The following EXTL2 variants were observed in gnomAD, a reference collection of about 807,000 sequenced individuals.
EXTL2 encodes exostosin-like 2.
In EXTL2, 23 loss-of-function variants were observed where a neutral mutation model predicts 30.7. The observed-to-expected ratio is 0.75, with a 90% confidence interval of 0.54 to 1.06. The LOEUF (loss-of-function observed/expected upper bound fraction) is 1.06. EXTL2 is among the 50% of genes least tolerant of loss of function. The pLI is 0.00. For missense variants in EXTL2, 352 were observed against 396.3 expected (o/e 0.89, Z 0.95); for synonymous variants, 123 against 133.8 (o/e 0.92, Z 0.56).
In EXTL2 at chr1:100,877,556, G is replaced by C; in HGVS notation, c.353C>G (p.Pro118Arg). 6 of 1,613,394 alleles carry C rather than the reference G, an allele frequency of 3.7e-6. No homozygotes were observed. Among genetic ancestry groups the C allele is most frequent in the Non-Finnish European group, 4.2e-6 (5 of 1,179,572 alleles). The change falls in exon 3 of 5, where the codon CCT (proline) becomes CGT (arginine). Residue 118 changes from proline to arginine, a missense_variant. Coordinates refer to ENST00000370114, the MANE Select transcript of EXTL2 (RefSeq NM_001033025.3). The surrounding 1 kb of genome is among the most constrained non-coding windows in gnomAD (Gnocchi z 4.1). ...DELWNSLGPH[P>R]IPVIFKQQTA... ...CTGTTGTTTGAAGATCACAGGGATA[G>C]GGTGGGGCCCTAGAGAATTCCATAA...
rs1413778599 is a variant in EXTL2, at chr1:100,876,945, G to A, written c.434-81C>T. 3 of 813,702 alleles carry A rather than the reference G, an allele frequency of 3.7e-6. No homozygotes were observed. The East Asian group carries it at 7.7e-5, about 21-fold the overall frequency. The allele number at this position is 813,702 out of a possible 1,614,324, so 50.4% of individuals were successfully genotyped here. On this transcript the variant is annotated intron_variant, in intron 3 of 4. Coordinates refer to ENST00000370114, the MANE Select transcript of EXTL2 (RefSeq NM_001033025.3). ...AGTAAAATACAATAGTGTCTATATA[G>A]ATCATTCAAATGAAGTATTTTCTGA...
At chr1:100,884,379 G>C (rs1055522494) in intron 2 of EXTL2, among the ~76,000 whole-genome samples, 1 of 152,176 alleles carries the variant, frequency 6.6e-6, no homozygotes, top group African/African-American at 2.4e-5. Context: ...CAGCTGCCAA[G>C]AGATAAAATC....
chr1:100,877,859 C>G lies in EXTL2; in HGVS notation c.50G>C (p.Arg17Pro), dbSNP rs765298108. 2 of 1,599,808 alleles carry G rather than the reference C, an allele frequency of 1.3e-6. No individual in the cohort carries two copies. Among genetic ancestry groups the G allele is most frequent in the African/African-American group, 2.7e-5 (2 of 74,968 alleles). ...CKLPGRVMGI[R>P]VLRLSLVVIL... ...GACCACCAAAGATAATCGAAGCACT[C>G]GAATCCCCATTACTCTCCCAGGAAG... Residue 17 changes from arginine (R) to proline (P), a missense_variant, in exon 3 of 5, where the codon CGA becomes CCA. Physicochemically the swap from Arg to Pro is moderately radical, Grantham distance 103. Coordinates refer to ENST00000370114, the MANE Select transcript of EXTL2 (RefSeq NM_001033025.3). The surrounding 1 kb of genome is among the most constrained non-coding windows in gnomAD (Gnocchi z 4.1).
At chr1:100,879,338 C>T (rs1649385203) in intron 2 of EXTL2, among the ~76,000 whole-genome samples, 1 of 152,116 alleles carries the variant, frequency 6.6e-6, no homozygotes, top group East Asian at 1.9e-4. Context: ...TCTTCATAGC[C>T]ATTTCAGCAC....
chr1:100,892,100 C>T (rs530816084), intron 1 of EXTL2, among the ~76,000 whole-genome samples: 1 of 152,240 alleles, frequency 6.6e-6, no homozygotes, highest in African/African-American at 2.4e-5. Context: ...ATATTGTCAA[C>T]TTGATTGAAT....
At chr1:100,890,546 T>C (rs554533482) in intron 1 of EXTL2, among the ~76,000 whole-genome samples, 3 of 152,366 alleles carry the variant, frequency 2.0e-5, no homozygotes, top group African/African-American at 4.8e-5. Context: ...CTGACTTTTA[T>C]GCTCTGCTTC....
chr1:100,888,544 C>A (rs567061634), intron 2 of EXTL2: 24 of 368,840 alleles, frequency 6.5e-5, no homozygotes, highest in East Asian at 4.9e-4. Context: ...TTGCCAGGGG[C>A]TGGGAGTAGG....
In EXTL2 at chr1:100,877,478, T is replaced by C. The variant is rs771820484; in HGVS notation, c.431A>G (p.Asn144Ser). The change falls in exon 3 of 5, where the codon AAT (asparagine) becomes AGT (serine). Residue 144 changes from asparagine to serine, a missense_variant and splice_region_variant. Physicochemically the swap from Asn to Ser is conservative, Grantham distance 46. Transcript: ENST00000370114. The surrounding 1 kb of genome is among the most constrained non-coding windows in gnomAD (Gnocchi z 4.1). ...CTGAGAACTACACTGCAACTCACCA[T>C]TGGTTTCCAGTTCAGGAAAGACCTG... ...RLQVFPELET[N>S]AVLMVDDDTL... The C allele has an allele frequency of 1.5e-5, 24 of 1,585,656 alleles. No individual in the cohort carries two copies. The highest frequency in any genetic ancestry group is 5.4e-5 in the African/African-American group (4 of 74,052).
intron 4 of EXTL2, among the ~76,000 whole-genome samples, chr1:100,875,084 G>A (rs1210299121): frequency 1.3e-5 from 2 of 151,888 alleles, no homozygotes; most frequent in Non-Finnish European, 2.9e-5. Flanking sequence ...TGGTAGATGA[G>A]CATGACTAAA....
rs1448068615 is a variant in EXTL2, at chr1:100,877,295, C to T, written c.433+181G>A. 1.3e-5 allele frequency among the ~76,000 whole-genome samples: 2 copies of T among 152,118 alleles called. No homozygotes were observed. The highest frequency in any genetic ancestry group is 2.4e-5 in the African/African-American group (1 of 41,436). On this transcript the variant is annotated intron_variant, in intron 3 of 4. Coordinates refer to ENST00000370114, the MANE Select transcript of EXTL2 (RefSeq NM_001033025.3). This position sits in a 1 kb window ranked among gnomAD's most constrained non-coding sequence, Gnocchi z 4.1. ...TCCTTTATTACAATATTAACCTCTTCGCCAGGAAACCACTTCTTGACATCT... is the reference window on the plus strand; with the variant it reads ...TCCTTTATTACAATATTAACCTCTTTGCCAGGAAACCACTTCTTGACATCT...
chr1:100,883,378 T>A (rs1185527023), intron 2 of EXTL2, among the ~76,000 whole-genome samples: 1 of 152,068 alleles, frequency 6.6e-6, no homozygotes, highest in Non-Finnish European at 1.5e-5. Context: ...CCAATCCCTA[T>A]TTTCACTTCC....
At chr1:100,880,221 G>A (rs932054622) in intron 2 of EXTL2, among the ~76,000 whole-genome samples, 3 of 152,108 alleles carry the variant, frequency 2.0e-5, no homozygotes, top group African/African-American at 7.2e-5. Context: ...TCCATGATAG[G>A]ACAGTATGCT....
chr1:100,891,213 C>T (rs1201693740), intron 1 of EXTL2, among the ~76,000 whole-genome samples: 1 of 152,120 alleles, frequency 6.6e-6, no homozygotes, highest in Non-Finnish European at 1.5e-5. Flanking sequence ...GTGTTGTTAA[C>T]TTTATGTAAT....
rs747402866 is a variant in EXTL2, at chr1:100,877,762, G to A, written c.147C>T (p.Leu49=). 2.5e-6 allele frequency: 4 copies of A among 1,613,102 alleles called. No individual in the cohort carries two copies. The East Asian group carries it at 6.7e-5, about 27-fold the overall frequency. Residue 49 remains leucine, a synonymous_variant, in exon 3 of 5, where the codon CTC becomes CTT. Coordinates refer to ENST00000370114, the MANE Select transcript of EXTL2 (RefSeq NM_001033025.3). The surrounding 1 kb of genome is among the most constrained non-coding windows in gnomAD (Gnocchi z 4.1). ...LLPSVKEDKM[L]MLRREIKSQG... ...GGGATTTTATTTCCCTACGCAACAT[G>A]AGCATCTTGTCTTCTTTAACACTGG...
At position 100,874,226 on chromosome 1, in the gene EXTL2, T is replaced by C; in HGVS notation, c.709A>G (p.Ile237Val). 2 of 1,612,942 alleles carry C rather than the reference T, an allele frequency of 1.2e-6. No individual in the cohort carries two copies. Among genetic ancestry groups the C allele is most frequent in the Admixed American group, 1.7e-5 (1 of 59,812 alleles). Residue 237 changes from isoleucine (I) to valine (V), a missense_variant, in exon 5 of 5, where the codon ATA (isoleucine) becomes GTA (valine). Physicochemically the swap from Ile to Val is conservative, Grantham distance 29. Transcript: ENST00000370114. ...TCATCACAGTTTTGAGTATCATCTA[T>C]CAAAGCATGGACAGCTGCAGGTTGC... Reference protein sequence around the residue: ...QRQPAAVHALIDDTQNCDDIA... With the variant: ...QRQPAAVHALVDDTQNCDDIA...
At chr1:100,878,962 C>T (rs1649348859) in intron 2 of EXTL2, among the ~76,000 whole-genome samples, 1 of 152,064 alleles carries the variant, frequency 6.6e-6, no homozygotes, top group Admixed American at 6.6e-5. Context: ...CAGCTATGTA[C>T]TCTCCCATCT....
At chr1:100,884,460 T>C (rs904040977) in intron 2 of EXTL2, among the ~76,000 whole-genome samples, 1 of 151,972 alleles carries the variant, frequency 6.6e-6, no homozygotes, top group African/African-American at 2.4e-5. Flanking sequence ...AAAAAGAAAA[T>C]TGGAAGAGAC....
chr1:100,884,589 T>A (rs1466689999), intron 2 of EXTL2, among the ~76,000 whole-genome samples: 2 of 152,326 alleles, frequency 1.3e-5, no homozygotes, highest in Admixed American at 1.3e-4. Flanking sequence ...TTCCCCTCAA[T>A]GGTACCTACA....
intron 2 of EXTL2, among the ~76,000 whole-genome samples, chr1:100,884,218 C>T (rs1484380058): frequency 2.6e-5 from 4 of 152,198 alleles, no homozygotes; most frequent in African/African-American, 9.6e-5. Flanking sequence ...TTTGCTGCCA[C>T]AGATGGCAGC....
Sources: gnomAD v4.1 joint callset for allele counts (sites outside exome capture counted in the v4.1 genomes callset) on GRCh38, gnomAD v4.1.1 for gene constraint, Gnocchi (gnomAD v3.1) non-coding constraint, MANE v1.5 for transcripts, NCBI Gene and HGNC (gene_info 2026-07-23, HGNC 2026-07-21) for gene names.